The following TP73 variants were observed in gnomAD, a reference collection of about 807,000 sequenced individuals.
TP73 encodes the protein p53-like transcription factor.
Under a neutral mutation model 62.5 loss-of-function variants are expected in TP73, and 25 were observed. The observed-to-expected ratio is 0.40, with a 90% CI of 0.29 to 0.56. TP73 has a LOEUF of 0.56. TP73 is among the 20% of genes least tolerant of loss of function. TP73 has a pLI of 0.46. For synonymous variants in TP73, 423 were observed against 377.5 expected, an observed-to-expected ratio of 1.12 and a Z score of -1.40; for missense variants, 754 against 913.3, an observed-to-expected ratio of 0.83 and a Z score of 2.25.
chr1:3,726,237 A>T (rs1431548651), intron 6 of TP73, among the ~76,000 whole-genome samples: 74 of 80,096 alleles, frequency 9.2e-4, no homozygotes, highest in African/African-American at 3.8e-3. Context: ...GGATGGATGG[A>T]TAGGATGGAT....
intron 3 of TP73, among the ~76,000 whole-genome samples, chr1:3,686,620 C>G (rs575894095): frequency 6.6e-6 from 1 of 152,240 alleles, no homozygotes; most frequent in Non-Finnish European, 1.5e-5. Context: ...TCAGTGGGCT[C>G]TAGAGGAGTC....
rs4648547 is a variant in TP73, at chr1:3,683,546, C to T, written c.186+366C>T. 2.9e-4 allele frequency among the ~76,000 whole-genome samples: 44 copies of T among 152,222 alleles called. 1 individual carries two copies. In the East Asian group the frequency reaches 5.2e-3, roughly 18 times the overall value. On this transcript the variant is annotated intron_variant, in intron 3 of 13. Transcript: ENST00000378295. ...CTGGTGGATCCAGGTATAGAAAGGG[C>T]TTTGGGCATGGCTGTGTCCAGGTGC...
intron 4 of TP73, among the ~76,000 whole-genome samples, chr1:3,715,397 C>T (rs1056484330): frequency 2.6e-5 from 4 of 152,134 alleles, no homozygotes; most frequent in Admixed American, 6.5e-5. Flanking sequence ...TGCCTAGACC[C>T]CGACCCCAGG....
At chr1:3,693,592 C>T (rs1034691437) in intron 3 of TP73, among the ~76,000 whole-genome samples, 12 of 152,128 alleles carry the variant, frequency 7.9e-5, no homozygotes, top group Non-Finnish European at 1.5e-4. Flanking sequence ...CGTAGCTGCT[C>T]GGCTGCGGGG....
intron 3 of TP73, among the ~76,000 whole-genome samples, chr1:3,686,026 G>T (rs748428981): frequency 3.3e-5 from 5 of 152,198 alleles, no homozygotes; most frequent in South Asian, 2.1e-4. Context: ...TGGCTCAGGT[G>T]GGGGGCCTGC....
chr1:3,684,163 AG>A (rs1395635692), intron 3 of TP73, among the ~76,000 whole-genome samples: 1 of 152,228 alleles, frequency 6.6e-6, no homozygotes, highest in East Asian at 1.9e-4. Context: ...AGGCCCAGCG[AG>A]GCCAGCCGTC....
chr1:3,691,126 G>A (rs1316344444), intron 3 of TP73, among the ~76,000 whole-genome samples: 1 of 152,202 alleles, frequency 6.6e-6, no homozygotes, highest in Non-Finnish European at 1.5e-5. Context: ...CAGGCATGGA[G>A]GCAAGCAGAT....
At chr1:3,674,741 G>A (rs942164471) in intron 1 of TP73, among the ~76,000 whole-genome samples, 1 of 152,234 alleles carries the variant, frequency 6.6e-6, no homozygotes, top group African/African-American at 2.4e-5. Context: ...CTCTTCTTGC[G>A]GTGGCTGGAG....
chr1:3,665,298 C>G (rs1645085802), intron 1 of TP73, among the ~76,000 whole-genome samples: 1 of 152,098 alleles, frequency 6.6e-6, no homozygotes, highest in Admixed American at 6.5e-5. Flanking sequence ...GAAAGTCCCC[C>G]CCAAGCTTTT....
intron 3 of TP73, chr1:3,697,954 GC>G (rs1187606584): frequency 2.8e-6 from 1 of 361,134 alleles, no homozygotes; most frequent in Non-Finnish European, 3.9e-6. Flanking sequence ...GAGGTGGCAC[GC>G]CCCGTGACTG....
At chr1:3,686,664 T>C (rs574487123) in intron 3 of TP73, among the ~76,000 whole-genome samples, 1 of 152,256 alleles carries the variant, frequency 6.6e-6, no homozygotes, top group East Asian at 1.9e-4. Context: ...GACTGTGAGC[T>C]CTGTGTGGCC....
At position 3,730,108 on chromosome 1, in the gene TP73, C is replaced by G; in HGVS notation, c.1305C>G (p.Pro435=). Residue 435 remains proline (P), a synonymous_variant, in exon 11 of 14, where the codon CCC becomes CCG. Transcript: ENST00000378295. ...TCAACCAGCTGGTGGGCCAGCCTCCCCCGCACAGTTCGGCAGCTACACCCA... is the reference window on the plus strand; with the variant it reads ...TCAACCAGCTGGTGGGCCAGCCTCCGCCGCACAGTTCGGCAGCTACACCCA... ...PSVNQLVGQP[P]PHSSAATPNL... is the part of the protein sequence containing the mutation. The G allele has an allele frequency of 1.3e-6, 2 of 1,581,274 alleles. No homozygotes were observed. Among genetic ancestry groups the G allele is most frequent in the Middle Eastern group, 1.7e-4 (1 of 6,000 alleles).
At chr1:3,712,806 C>T (rs1491002905) in intron 4 of TP73, among the ~76,000 whole-genome samples, 2 of 152,170 alleles carry the variant, frequency 1.3e-5, no homozygotes, top group African/African-American at 4.8e-5. Flanking sequence ...ACACCAGGGT[C>T]ACCTGTCAGC....
chr1:3,681,626 G>C (rs1645522698), intron 1 of TP73, among the ~76,000 whole-genome samples: 2 of 152,182 alleles, frequency 1.3e-5, no homozygotes, highest in Non-Finnish European at 2.9e-5. Context: ...TGTGGCCCTG[G>C]GGTGCAGGAA....
chr1:3,726,858 GTGGATGGATGGA>G (rs144546084), intron 6 of TP73, among the ~76,000 whole-genome samples: 1 of 144,458 alleles, frequency 6.9e-6, no homozygotes, highest in African/African-American at 2.6e-5. Flanking sequence ...GATGGGGTTG[GTGGATGGATGGA>G]TGGATGGATG....
intron 13 of TP73, 61 bp from the exon 14 acceptor site, chr1:3,732,686 C>T (rs929403283): frequency 5.4e-5 from 78 of 1,448,066 alleles, no homozygotes; most frequent in Non-Finnish European, 6.8e-5. Context: ...AGGCCCAGGG[C>T]GACCCCCCCT....
chr1:3,687,394 A>G (rs1267169976), intron 3 of TP73, among the ~76,000 whole-genome samples: 1 of 152,126 alleles, frequency 6.6e-6, no homozygotes, highest in Non-Finnish European at 1.5e-5. Context: ...GCAGAGGATA[A>G]AGCTCCCTCG....
intron 3 of TP73, among the ~76,000 whole-genome samples, chr1:3,705,501 C>T (rs1369580524): frequency 6.6e-6 from 1 of 152,252 alleles, no homozygotes; most frequent in African/African-American, 2.4e-5. Flanking sequence ...TTAATGGTGC[C>T]AGATGATGGC....
At position 3,733,091 on chromosome 1, in the gene TP73, G is replaced by C; in HGVS notation, c.*12G>C. ...CCGAGATCCACTGAGGGCCTCGCCTGGCTGCAGCCTGCGCCACCGCCCAGA... is the reference window on the plus strand; with the variant it reads ...CCGAGATCCACTGAGGGCCTCGCCTCGCTGCAGCCTGCGCCACCGCCCAGA... On this transcript the variant is annotated 3_prime_UTR_variant, in exon 14 of 14. Transcript: ENST00000378295. The C allele has an allele frequency of 2.6e-6, 4 of 1,521,664 alleles. No individual in the cohort carries two copies. The highest frequency in any genetic ancestry group is 3.5e-6 in the Non-Finnish European group (4 of 1,136,216). 94.3% of individuals were successfully genotyped at this position (1,521,664 alleles called of 1,614,324 possible). A position where few individuals can be genotyped will look rare whatever the true frequency, so the allele number is the denominator to read the frequency against.
Sources: gnomAD v4.1 joint callset for allele counts (sites outside exome capture counted in the v4.1 genomes callset) on GRCh38, gnomAD v4.1.1 for gene constraint, MANE v1.5 for transcripts, NCBI Gene and HGNC (gene_info 2026-07-23, HGNC 2026-07-21) for gene names.